Variants in INSYN2B observed in about 807,000 individuals in gnomAD.
INSYN2B encodes inhibitory synaptic factor family member 2B.
In INSYN2B, 16 loss-of-function variants were observed where a neutral mutation model predicts 41.2. The ratio of observed to expected loss-of-function variants is 0.39; its 90% CI spans 0.26 to 0.59. INSYN2B has a LOEUF of 0.59. Ranked by LOEUF, INSYN2B falls within the 20% of genes least tolerant of loss-of-function variation. The probability of loss-of-function intolerance (pLI) is 0.57; values close to 1 mark genes in which losing one functional copy is unlikely to be tolerated. For synonymous variants in INSYN2B, 245 were observed against 244.4 expected (o/e 1.00, Z -0.02); for missense variants, 608 against 646.4 (o/e 0.94, Z 0.64).
At chr5:169,900,427 G>C (rs773227063) in intron 1 of INSYN2B, among the ~76,000 whole-genome samples, 1 of 152,178 alleles carries the variant, frequency 6.6e-6, no homozygotes, top group African/African-American at 2.4e-5. Context: ...TAATTATCGT[G>C]GCTGGGCGAG....
At chr5:169,892,743 T>A (rs140924242) in intron 1 of INSYN2B, among the ~76,000 whole-genome samples, 104 of 152,322 alleles carry the variant, frequency 6.8e-4, no homozygotes, top group African/African-American at 2.4e-3. Flanking sequence ...AATAAAATGT[T>A]TCAGGTGTGC....
Position 169,906,905 on chromosome 5 carries a change from A to G in INSYN2B, c.-918-22089T>C, listed in dbSNP as rs376833044. Among the ~76,000 whole-genome samples, 10 of 152,302 alleles carry G rather than the reference A, an allele frequency of 6.6e-5. No individual in the cohort carries two copies. In the East Asian group the frequency reaches 1.3e-3, roughly 21 times the overall value. ...CATGAGGCTGGTGCTGATGGTGCTG[A>G]GAAAGCAAATGCTGTCTAGAGGGAA... On this transcript the variant is annotated intron_variant, in intron 1 of 3. Coordinates refer to ENST00000377365, the MANE Select transcript of INSYN2B (RefSeq NM_001129891.3).
intron 1 of INSYN2B, among the ~76,000 whole-genome samples, chr5:169,950,006 G>C (rs918442819): frequency 3.3e-5 from 5 of 152,148 alleles, no homozygotes; most frequent in Non-Finnish European, 5.9e-5. Flanking sequence ...AATGAAGGAG[G>C]GTTCTGCGTT....
At position 169,868,484 on chromosome 5, in the gene INSYN2B, C is replaced by T. The variant is rs192454435; in HGVS notation, c.1422-4025G>A. On this transcript the variant is annotated intron_variant, in intron 3 of 3. Coordinates refer to ENST00000377365, the MANE Select transcript of INSYN2B (RefSeq NM_001129891.3). ...ACCTGTTTAATAAAAATAGGCTGGGCGCAGTGGCTCATGCCTGTAATCCCA... is the reference window on the plus strand; with the variant it reads ...ACCTGTTTAATAAAAATAGGCTGGGTGCAGTGGCTCATGCCTGTAATCCCA... Among the ~76,000 whole-genome samples, 10 of 152,304 alleles carry T rather than the reference C, an allele frequency of 6.6e-5. No homozygotes were observed. In the East Asian group the frequency reaches 1.2e-3, roughly 18 times the overall value.
chr5:169,924,793 T>A (rs1775348875), intron 1 of INSYN2B, among the ~76,000 whole-genome samples: 1 of 152,180 alleles, frequency 6.6e-6, no homozygotes, highest in Admixed American at 6.5e-5. Flanking sequence ...ATCTGAAGTA[T>A]CCTGGGACGC....
chr5:169,911,226 A>G (rs1458250836), intron 1 of INSYN2B, among the ~76,000 whole-genome samples: 3 of 152,168 alleles, frequency 2.0e-5, no homozygotes, highest in Non-Finnish European at 4.4e-5. Context: ...GAAACAGAGG[A>G]TAAGAAAAAA....
chr5:169,931,269 A>C (rs1235194974), intron 1 of INSYN2B, among the ~76,000 whole-genome samples: 3 of 152,228 alleles, frequency 2.0e-5, no homozygotes, highest in Non-Finnish European at 4.4e-5. Flanking sequence ...GGCTTGGCTC[A>C]ACCCAGCCCA....
At chr5:169,910,694 A>G (rs1229701115) in intron 1 of INSYN2B, among the ~76,000 whole-genome samples, 1 of 152,212 alleles carries the variant, frequency 6.6e-6, no homozygotes, top group Non-Finnish European at 1.5e-5. Flanking sequence ...CTCTAGCTAC[A>G]AGACTCAGGG....
rs1330514886 is a variant in INSYN2B, at chr5:169,888,474, C to A, written c.-918-3658G>T. Among the ~76,000 whole-genome samples, 3 of 152,272 alleles carry A rather than the reference C, an allele frequency of 2.0e-5. No homozygotes were observed. In the East Asian group the frequency reaches 5.8e-4, roughly 29 times the overall value. ...ACCAACTGTTTATGTTCCATCTATGCCTTTGGCCCACAGCAAATGGTCCTC... is the reference window on the plus strand; with the variant it reads ...ACCAACTGTTTATGTTCCATCTATGACTTTGGCCCACAGCAAATGGTCCTC... On this transcript the variant is annotated intron_variant, in intron 1 of 3. Coordinates refer to ENST00000377365, the MANE Select transcript of INSYN2B (RefSeq NM_001129891.3).
rs139089820 is a variant in INSYN2B, at chr5:169,940,690, G to A, written c.-919+39587C>T. Among the ~76,000 whole-genome samples the A allele has an allele frequency of 3.5e-3, 530 of 152,286 alleles. 5 individuals carry two copies. The South Asian group carries it at 0.043, about 12-fold the overall frequency. ...AGTTCACAATAGGGTTTGTGCTTCTGTGAGAATCTAATCCCACCACTGATC... is the reference window on the plus strand; with the variant it reads ...AGTTCACAATAGGGTTTGTGCTTCTATGAGAATCTAATCCCACCACTGATC... On this transcript the variant is annotated intron_variant, in intron 1 of 3. Coordinates refer to ENST00000377365, the MANE Select transcript of INSYN2B (RefSeq NM_001129891.3).
intron 3 of INSYN2B, among the ~76,000 whole-genome samples, chr5:169,867,314 C>G (rs889304304): frequency 6.6e-6 from 1 of 152,138 alleles, no homozygotes; most frequent in Non-Finnish European, 1.5e-5. Context: ...TTTCCTGAGG[C>G]CTGCTCCTGA....
At position 169,861,632 on chromosome 5, in the gene INSYN2B, C is replaced by T. The variant is rs13354841; in HGVS notation, c.*2641G>A. On this transcript the variant is annotated 3_prime_UTR_variant, in exon 4 of 4. Transcript: ENST00000377365. ...CTGTAGAATATCATGGTAGATGTTACGTAATATTTTACAAAGAAGCAGTGA... is the reference window on the plus strand; with the variant it reads ...CTGTAGAATATCATGGTAGATGTTATGTAATATTTTACAAAGAAGCAGTGA... Among the ~76,000 whole-genome samples the T allele has an allele frequency of 2.5e-3, 374 of 152,214 alleles. 3 individuals carry two copies. The highest frequency in any genetic ancestry group is 8.6e-3 in the African/African-American group (359 of 41,528).
At chr5:169,866,222 T>A (rs1214717062) in intron 3 of INSYN2B, among the ~76,000 whole-genome samples, 2 of 152,218 alleles carry the variant, frequency 1.3e-5, no homozygotes, top group Non-Finnish European at 2.9e-5. Flanking sequence ...TTACATGCCT[T>A]CTCTTTCTGT....
At chr5:169,886,853 A>T (rs1773000319) in intron 1 of INSYN2B, among the ~76,000 whole-genome samples, 1 of 152,176 alleles carries the variant, frequency 6.6e-6, no homozygotes, top group Non-Finnish European at 1.5e-5. Context: ...ACAGGCTATG[A>T]TTGTCTGAGG....
chr5:169,874,225 C>A lies in INSYN2B; in HGVS notation c.1421+7143G>T, dbSNP rs533498611. Among the ~76,000 whole-genome samples the A allele has an allele frequency of 3.4e-4, 51 of 152,018 alleles. 1 individual carries two copies. The highest frequency in any genetic ancestry group is 1.2e-3 in the African/African-American group (49 of 41,486). On this transcript the variant is annotated intron_variant, in intron 3 of 3. Coordinates refer to ENST00000377365, the MANE Select transcript of INSYN2B (RefSeq NM_001129891.3). ...GTCAGGGGTTCAAGACCAGCCTGGC[C>A]AACATGGTGAAACCCCGTCTCTACT...
chr5:169,910,787 A>G (rs1676940708), intron 1 of INSYN2B, among the ~76,000 whole-genome samples: 1 of 152,236 alleles, frequency 6.6e-6, no homozygotes, highest in South Asian at 2.1e-4. Flanking sequence ...TTCTTGAGAA[A>G]TGGCAGGTGC....
intron 3 of INSYN2B, among the ~76,000 whole-genome samples, chr5:169,873,729 G>GT (rs1475957084): frequency 6.6e-6 from 1 of 152,168 alleles, no homozygotes; most frequent in Non-Finnish European, 1.5e-5. Flanking sequence ...TTTTTCTCTG[G>GT]TTAGGTAATA....
At chr5:169,934,481 A>G (rs1053821789) in intron 1 of INSYN2B, among the ~76,000 whole-genome samples, 2 of 152,224 alleles carry the variant, frequency 1.3e-5, no homozygotes, top group Non-Finnish European at 2.9e-5. Flanking sequence ...TAAGAGGTGC[A>G]TGCACATATG....
rs113272001 is a variant in INSYN2B, at chr5:169,907,236, G to A, written c.-918-22420C>T. ...CAACTTGATTTTGCATTTGGTTTGC[G>A]TCATTCTTAGGGATACTGAAGATAC... On this transcript the variant is annotated intron_variant, in intron 1 of 3. Coordinates refer to ENST00000377365, the MANE Select transcript of INSYN2B (RefSeq NM_001129891.3). 2.3e-3 allele frequency among the ~76,000 whole-genome samples: 350 copies of A among 152,308 alleles called. 1 individual carries two copies. Among genetic ancestry groups the A allele is most frequent in the South Asian group, 8.3e-3 (40 of 4,822 alleles).
Sources: gnomAD v4.1 joint callset for allele counts (sites outside exome capture counted in the v4.1 genomes callset) on GRCh38, gnomAD v4.1.1 for gene constraint, MANE v1.5 for transcripts, NCBI Gene and HGNC (gene_info 2026-07-23, HGNC 2026-07-21) for gene names.